Variants in SKAP1 observed in about 807,000 individuals in gnomAD.
SKAP1 encodes the protein src kinase-associated phosphoprotein 1.
Under a neutral mutation model 58.5 loss-of-function variants are expected in SKAP1, and 44 were observed. The ratio of observed to expected loss-of-function variants is 0.75; its 90% confidence interval spans 0.59 to 0.97. The LOEUF (loss-of-function observed/expected upper bound fraction) is 0.97, where lower values mean the gene tolerates loss of function less well. SKAP1 is among the 50% of genes least tolerant of loss of function. The pLI is 0.00. For synonymous variants in SKAP1, 127 were observed against 149.7 expected (o/e 0.85, Z 1.11); for missense variants, 390 against 435.2 (o/e 0.90, Z 0.92).
intron 4 of SKAP1, among the ~76,000 whole-genome samples, chr17:48,269,036 A>G (rs1315193784): frequency 6.6e-6 from 1 of 152,078 alleles, no homozygotes. Flanking sequence ...TTTTAGATGT[A>G]ATATACTAAT....
chr17:48,393,744 A>C (rs2067378939), intron 2 of SKAP1, among the ~76,000 whole-genome samples: 1 of 152,188 alleles, frequency 6.6e-6, no homozygotes, highest in South Asian at 2.1e-4. Flanking sequence ...AACAACAAAG[A>C]GACTAGGAAG....
chr17:48,267,514 T>C lies in SKAP1; in HGVS notation c.281-78014A>G, dbSNP rs371238541. Among the ~76,000 whole-genome samples, 40 of 152,312 alleles carry C rather than the reference T, an allele frequency of 2.6e-4. No homozygotes were observed. The South Asian group carries it at 7.7e-3, about 29-fold the overall frequency. ...ATTACCACTTGGTACTAATAGATAC[T>C]CTATACACAAGTCCTTAAGGTCAAC... On this transcript the variant is annotated intron_variant, in intron 4 of 12. Coordinates refer to ENST00000336915, the MANE Select transcript of SKAP1 (RefSeq NM_003726.4).
intron 4 of SKAP1, among the ~76,000 whole-genome samples, chr17:48,191,490 CT>C (rs1042579118): frequency 3.3e-5 from 5 of 152,166 alleles, no homozygotes; most frequent in African/African-American, 9.7e-5. Context: ...GTTGAAATAA[CT>C]TTTTTTCAAA....
At chr17:48,185,219 C>G (rs1350330601) in intron 6 of SKAP1, 5 of 181,964 alleles carry the variant, frequency 2.7e-5, no homozygotes, top group Non-Finnish European at 5.7e-5. Context: ...TTATCAGGGC[C>G]AGCAGAGCTC....
chr17:48,260,807 CCTT>C (rs1312120297), intron 4 of SKAP1, among the ~76,000 whole-genome samples: 19 of 152,140 alleles, frequency 1.2e-4, no homozygotes, highest in Admixed American at 1.2e-3. Flanking sequence ...TTTCTCCTTT[CCTT>C]AATTGGTTAA....
At chr17:48,246,038 T>C (rs914799919) in intron 4 of SKAP1, among the ~76,000 whole-genome samples, 3 of 152,104 alleles carry the variant, frequency 2.0e-5, no homozygotes, top group African/African-American at 7.2e-5. Context: ...ACAATAATAA[T>C]GCCTTTCTCA....
rs542598432 is a variant in SKAP1 at position 48,379,708 on chromosome 17, G to C, written c.153-15894C>G. On this transcript the variant is annotated intron_variant, in intron 2 of 12. Coordinates refer to ENST00000336915, the MANE Select transcript of SKAP1 (RefSeq NM_003726.4). ...TTTTTTTTTTTTTTTTTGAGACAGAGTCTTACTCTGTTGCCCAGGCTGGAG... is the reference window on the plus strand; with the variant it reads ...TTTTTTTTTTTTTTTTTGAGACAGACTCTTACTCTGTTGCCCAGGCTGGAG... Among the ~76,000 whole-genome samples the C allele has an allele frequency of 2.1e-5, 3 of 139,604 alleles. No individual in the cohort carries two copies. The East Asian group carries it at 6.1e-4, about 29-fold the overall frequency. 91.6% of individuals were successfully genotyped at this position (139,604 alleles called of 152,430 possible).
chr17:48,340,315 G>A (rs1201038385), intron 4 of SKAP1, among the ~76,000 whole-genome samples: 1 of 152,076 alleles, frequency 6.6e-6, no homozygotes, highest in Non-Finnish European at 1.5e-5. Context: ...TAATCAATTA[G>A]AGCTCTTTTT....
chr17:48,403,736 G>A (rs943047173), intron 1 of SKAP1, among the ~76,000 whole-genome samples: 5 of 152,116 alleles, frequency 3.3e-5, no homozygotes, highest in African/African-American at 1.2e-4. Flanking sequence ...TGAAGTATAT[G>A]TTCTGATCCA....
the SKAP1 span, among the ~76,000 whole-genome samples, chr17:48,436,550 T>C: frequency 6.6e-6 from 1 of 152,186 alleles, no homozygotes; most frequent in Non-Finnish European, 1.5e-5. Context: ...GAATTTGTGA[T>C]CACACTCTCT....
At chr17:48,256,343 GAC>G (rs998513923) in intron 4 of SKAP1, among the ~76,000 whole-genome samples, 1 of 152,028 alleles carries the variant, frequency 6.6e-6, no homozygotes, top group African/African-American at 2.4e-5. Context: ...AATTATAATT[GAC>G]ATTCTTATTT....
chr17:48,133,533 A>G lies in SKAP1; in HGVS notation c.*291T>C, dbSNP rs2063664546. 1 of 152,118 alleles carries G rather than the reference A, an allele frequency of 6.6e-6. No individual in the cohort carries two copies. The highest frequency in any genetic ancestry group is 1.5e-5 in the Non-Finnish European group (1 of 68,036). 9.4% of individuals were successfully genotyped at this position (152,118 alleles called of 1,614,324 possible). On this transcript the variant is annotated 3_prime_UTR_variant, in exon 13 of 13. Coordinates refer to ENST00000336915, the MANE Select transcript of SKAP1 (RefSeq NM_003726.4). ...TCCTCCCAAGGTTTCCTTCTCTCTC[A>G]CCTTCTTTGTGAAAAGCTTGTGGAA...
chr17:48,416,234 A>T (rs1272513117), intron 1 of SKAP1, among the ~76,000 whole-genome samples: 3 of 152,150 alleles, frequency 2.0e-5, no homozygotes, highest in Non-Finnish European at 2.9e-5. Context: ...TTATAAGGAA[A>T]ATGTTTCCTT....
intron 4 of SKAP1, among the ~76,000 whole-genome samples, chr17:48,243,265 T>C (rs1204640921): frequency 2.6e-5 from 4 of 152,126 alleles, no homozygotes; most frequent in Non-Finnish European, 5.9e-5. Context: ...CCTTTCAAAT[T>C]CCCTGACTTC....
At chr17:48,422,964 T>C (rs1258006665) in intron 1 of SKAP1, among the ~76,000 whole-genome samples, 1 of 152,186 alleles carries the variant, frequency 6.6e-6, no homozygotes, top group African/African-American at 2.4e-5. Context: ...GAGTCCAATA[T>C]ATGTATGCTA....
At chr17:48,358,859 A>G (rs756588459) in intron 3 of SKAP1, among the ~76,000 whole-genome samples, 16 of 152,198 alleles carry the variant, frequency 1.1e-4, no homozygotes, top group Non-Finnish European at 1.9e-4. Flanking sequence ...TACATGAGGA[A>G]ACTGAAGCTT....
At chr17:48,134,259 A>G (rs2063672147) in intron 12 of SKAP1, among the ~76,000 whole-genome samples, 1 of 152,188 alleles carries the variant, frequency 6.6e-6, no homozygotes, top group African/African-American at 2.4e-5. Flanking sequence ...ATGTGCAAGT[A>G]TAGCTGTAGG....
At chr17:48,343,484 A>G (rs1262749193) in intron 4 of SKAP1, among the ~76,000 whole-genome samples, 1 of 152,188 alleles carries the variant, frequency 6.6e-6, no homozygotes, top group Non-Finnish European at 1.5e-5. Context: ...TCATCTTACA[A>G]TCAAGTTTTT....
chr17:48,268,321 T>C (rs192225711), intron 4 of SKAP1, among the ~76,000 whole-genome samples: 44 of 150,534 alleles, frequency 2.9e-4, no homozygotes, highest in Admixed American at 2.3e-3. Context: ...TAGTCAAAAG[T>C]CCTAAATGAC....
Sources: gnomAD v4.1 joint callset for allele counts (sites outside exome capture counted in the v4.1 genomes callset) on GRCh38, gnomAD v4.1.1 for gene constraint, MANE v1.5 for transcripts, NCBI Gene and HGNC (gene_info 2026-07-23, HGNC 2026-07-21) for gene names.